The following TPP2 variants were observed in gnomAD, a reference collection of about 807,000 sequenced individuals.
The protein encoded by TPP2 is tripeptidyl peptidase 2, also known as tripeptidyl-peptidase 2.
A neutral mutation model predicts 155.9 loss-of-function variants in TPP2; 34 were observed. The observed-to-expected ratio is 0.22, with a 90% CI of 0.17 to 0.29. The LOEUF (loss-of-function observed/expected upper bound fraction) is 0.29, where lower values mean the gene tolerates loss of function less well. Ranked by LOEUF, TPP2 falls within the 10% of genes least tolerant of loss-of-function variation. The pLI, the probability that TPP2 is intolerant of heterozygous loss-of-function variation, is 1.00. For synonymous variants in TPP2, 510 were observed against 529.4 expected, an observed-to-expected ratio of 0.96 and a Z score of 0.50; for missense variants, 1,028 against 1,522.3, an observed-to-expected ratio of 0.68 and a Z score of 5.40.
At chr13:102,619,508 T>A (rs1051807843) in intron 5 of TPP2, among the ~76,000 whole-genome samples, 3 of 152,012 alleles carry the variant, frequency 2.0e-5, no homozygotes, top group Admixed American at 2.0e-4. Flanking sequence ...TCTGCGTCCC[T>A]GCTTATACAC....
Position 102,625,448 on chromosome 13 carries a change from G to A in TPP2, c.785-1564G>A, listed in dbSNP as rs150944289. On this transcript the variant is annotated intron_variant, in intron 6 of 29. Coordinates refer to ENST00000376052, the MANE Select transcript of TPP2 (RefSeq NM_001330588.2). Reference sequence around the variant, plus strand: ...CAAAGTGCTGGGATTACAGGTGTGAGCCACTGCGCCCGGCCTTTTTTAAGA... The same window carrying A: ...CAAAGTGCTGGGATTACAGGTGTGAACCACTGCGCCCGGCCTTTTTTAAGA... Among the ~76,000 whole-genome samples, 442 of 152,296 alleles carry A rather than the reference G, an allele frequency of 2.9e-3. 3 individuals carry two copies. The highest frequency in any genetic ancestry group is 0.014 in the South Asian group (67 of 4,832).
intron 6 of TPP2, among the ~76,000 whole-genome samples, chr13:102,625,321 T>C (rs979320647): frequency 4.0e-5 from 6 of 151,506 alleles, no homozygotes; most frequent in African/African-American, 1.5e-4. Flanking sequence ...CCCACTACCA[T>C]GCCCGGCTAA....
chr13:102,598,901 A>G (rs1422364798), intron 1 of TPP2, among the ~76,000 whole-genome samples: 2 of 152,246 alleles, frequency 1.3e-5, no homozygotes, highest in East Asian at 3.8e-4. Flanking sequence ...ATGCTCAAGA[A>G]AAATATTAAA....
At chr13:102,642,690 C>A (rs1882846823) in intron 16 of TPP2, among the ~76,000 whole-genome samples, 1 of 152,148 alleles carries the variant, frequency 6.6e-6, no homozygotes, top group African/African-American at 2.4e-5. Context: ...TCTTGGCTTA[C>A]CTCCAGCGCT....
At chr13:102,605,340 C>T (rs1292826425) in intron 2 of TPP2, among the ~76,000 whole-genome samples, 2 of 152,234 alleles carry the variant, frequency 1.3e-5, no homozygotes, top group Admixed American at 6.5e-5. Context: ...ATGAAAGCCA[C>T]AGGCTTTTTA....
At chr13:102,643,930 T>C (rs1229256021) in intron 17 of TPP2, among the ~76,000 whole-genome samples, 1 of 152,246 alleles carries the variant, frequency 6.6e-6, no homozygotes, top group Non-Finnish European at 1.5e-5. Flanking sequence ...TCTGGGATTT[T>C]CCCAGTATCT....
In TPP2 at chr13:102,652,097, C is replaced by T. The variant is rs149735979; in HGVS notation, c.2991+700C>T. Among the ~76,000 whole-genome samples, 9 of 152,126 alleles carry T rather than the reference C, an allele frequency of 5.9e-5. No homozygotes were observed. In the East Asian group the frequency reaches 1.7e-3, roughly 29 times the overall value. On this transcript the variant is annotated intron_variant, in intron 24 of 29. Transcript: ENST00000376052. ...GTCTGCTATAAATATATTTTAGGGCCAGGCGCAGTGACTCATGCCTGTAAT... is the reference window on the plus strand; with the variant it reads ...GTCTGCTATAAATATATTTTAGGGCTAGGCGCAGTGACTCATGCCTGTAAT...
intron 10 of TPP2, 86 bp downstream of exon 10, chr13:102,630,281 C>G: frequency 1.0e-6 from 1 of 994,986 alleles, no homozygotes; most frequent in Non-Finnish European, 1.4e-6. Context: ...GATAAGTTTG[C>G]TAGTTTTTTT....
At chr13:102,660,294 C>CA (rs1239112770) in intron 25 of TPP2, among the ~76,000 whole-genome samples, 1 of 150,734 alleles carries the variant, frequency 6.6e-6, no homozygotes, top group African/African-American at 2.4e-5. Flanking sequence ...AACAGTGGAA[C>CA]AAAAAAACAG....
At chr13:102,612,412 T>C (rs1235548517) in intron 2 of TPP2, among the ~76,000 whole-genome samples, 1 of 152,250 alleles carries the variant, frequency 6.6e-6, no homozygotes, top group Non-Finnish European at 1.5e-5. Flanking sequence ...AGATTACGTG[T>C]ATCATATGAC....
At chr13:102,662,953 T>G (rs999031340) in intron 25 of TPP2, among the ~76,000 whole-genome samples, 9 of 152,092 alleles carry the variant, frequency 5.9e-5, no homozygotes, top group African/African-American at 2.2e-4. Context: ...CAGAAAAGTT[T>G]AATAGATCTG....
chr13:102,612,091 C>T (rs1157044261), intron 2 of TPP2, among the ~76,000 whole-genome samples: 1 of 152,110 alleles, frequency 6.6e-6, no homozygotes, highest in African/African-American at 2.4e-5. Context: ...AAAATCAACA[C>T]TTAGTCTTAA....
intron 7 of TPP2, 92 bp downstream of exon 7, chr13:102,627,258 A>G: frequency 7.8e-7 from 1 of 1,284,600 alleles, no homozygotes; most frequent in Non-Finnish European, 1.0e-6. Context: ...TACCAAGAAT[A>G]CATTGAACTA....
intron 29 of TPP2, 90 bp downstream of exon 29, chr13:102,676,505 C>T: frequency 1.4e-6 from 2 of 1,470,550 alleles, no homozygotes; most frequent in Admixed American, 1.9e-5. Flanking sequence ...TGTGATATAG[C>T]AATACTGGTT....
At chr13:102,665,851 A>G (rs989359299) in intron 27 of TPP2, among the ~76,000 whole-genome samples, 1 of 152,184 alleles carries the variant, frequency 6.6e-6, no homozygotes, top group Non-Finnish European at 1.5e-5. Context: ...TTGGATTCCA[A>G]ACTGCTAGAA....
rs758048321 is a variant in TPP2, at chr13:102,676,295, G to A, written c.3580-1G>A. On this transcript the variant is annotated splice_acceptor_variant, in intron 28 of 29. Transcript: ENST00000376052. LOFTEE classifies it high-confidence loss of function. ...AAGCTTTATCATGTTTTACATTGTA[G>A]GTTTTGACATTTGCATATAAACATG... The A allele has an allele frequency of 1.9e-6, 3 of 1,591,296 alleles. No individual in the cohort carries two copies. Among genetic ancestry groups the A allele is most frequent in the African/African-American group, 2.7e-5 (2 of 73,718 alleles).
rs1885498932 is a variant in TPP2 at position 102,679,476 on chromosome 13, GA to G, written c.*1161del. On this transcript the variant is annotated 3_prime_UTR_variant, in exon 30 of 30. Transcript: ENST00000376052. The stretch of plus-strand genomic sequence containing the variant: ...CTAATGGCAAATTGTGTGTATGTAT[GA>G]TTTTTTTATCTTGTTCTCTTAAGAT... 1 of 152,158 alleles carries G rather than the reference GA, an allele frequency of 6.6e-6. No homozygotes were observed. The highest frequency in any genetic ancestry group is 2.4e-5 in the African/African-American group (1 of 41,442). The allele number at this position is 152,158 out of a possible 1,614,324, so 9.4% of individuals were successfully genotyped here. A position where few individuals can be genotyped will look rare whatever the true frequency, so the allele number is the denominator to read the frequency against.
intron 13 of TPP2, 125 bp downstream of exon 13, chr13:102,636,517 A>G: frequency 2.5e-6 from 3 of 1,181,732 alleles, no homozygotes; most frequent in Non-Finnish European, 3.4e-6. Flanking sequence ...CAGTATGATT[A>G]TTTTAAATCT....
At chr13:102,615,335 G>C (rs1595143098) in intron 3 of TPP2, among the ~76,000 whole-genome samples, 1 of 151,924 alleles carries the variant, frequency 6.6e-6, no homozygotes, top group Non-Finnish European at 1.5e-5. Flanking sequence ...TTTTTTGTAG[G>C]GATGGGGTTT....
Sources: allele counts gnomAD v4.1 joint callset (sites outside exome capture counted in the v4.1 genomes callset), GRCh38; gene constraint gnomAD v4.1.1; transcripts MANE v1.5; gene names NCBI Gene and HGNC (gene_info 2026-07-23, HGNC 2026-07-21).